LACTBL1: variants seen among roughly 807,000 people sequenced by gnomAD.
LACTBL1 encodes the protein beta-lactamase-like protein 1.
In LACTBL1, 29 loss-of-function variants were observed where a neutral mutation model predicts 39.6. The ratio of observed to expected loss-of-function variants is 0.73; its 90% CI spans 0.55 to 1.00. LACTBL1 has a LOEUF of 1.00. LACTBL1 is among the 50% of genes least tolerant of loss of function. The pLI is 0.00. For synonymous variants in LACTBL1, 361 were observed against 360.7 expected, an observed-to-expected ratio of 1.00 and a Z score of -0.01; for missense variants, 711 against 748.5, an observed-to-expected ratio of 0.95 and a Z score of 0.59.
exon 4 of LACTBL1, chr1:22,958,751 C>T (rs1640786734): frequency 1.3e-6 from 2 of 1,550,524 alleles, no homozygotes; most frequent in Non-Finnish European, 1.7e-6. Flanking sequence ...CCCACCTGCT[C>T]CAGCCCGTCC....
At chr1:22,954,056 G>A (rs902037834) in intron 5 of LACTBL1, 32 bp from the exon 8 acceptor site, 31 of 1,493,960 alleles carry the variant, frequency 2.1e-5, no homozygotes, top group African/African-American at 5.6e-5. Context: ...GTGGGACGGG[G>A]CCCTTCCTCA....
At position 22,953,505 on chromosome 1, in the gene LACTBL1, G is replaced by C. The variant is rs1231762518; in HGVS notation, c.1179C>G (p.Pro393=). 11 of 1,232,368 alleles carry C rather than the reference G, an allele frequency of 8.9e-6. No homozygotes were observed. In the East Asian group the frequency reaches 3.2e-4, roughly 36 times the overall value. 76.3% of individuals were successfully genotyped at this position (1,232,368 alleles called of 1,614,324 possible). The change falls in exon 6 of 6, where the codon CCC becomes CCG. Residue 393 remains proline, a synonymous_variant. Coordinates refer to ENST00000426928, the Ensembl canonical transcript of LACTBL1. Reference sequence around the variant, plus strand: ...AGGCCCGCGCCACCAGGTCGGGCCCGGGCGGCCGTGGCCCTGCCAGCAGCA... The same window carrying C: ...AGGCCCGCGCCACCAGGTCGGGCCCCGGCGGCCGTGGCCCTGCCAGCAGCA...
In LACTBL1 at chr1:22,959,940, A is replaced by C; in HGVS notation, c.317+2T>G. On this transcript the variant is annotated splice_donor_variant, in intron 3 of 5. Transcript: ENST00000426928. LOFTEE classifies it high-confidence loss of function. Reference sequence around the variant, plus strand: ...CAGGACCCTAGAGATCACCCAGCTGACCTGTACATGGTGTACTCATTGGGG... The same window carrying C: ...CAGGACCCTAGAGATCACCCAGCTGCCCTGTACATGGTGTACTCATTGGGG... 1 of 1,551,058 alleles carries C rather than the reference A, an allele frequency of 6.4e-7. No homozygotes were observed. Among genetic ancestry groups the C allele is most frequent in the Non-Finnish European group, 8.7e-7 (1 of 1,147,084 alleles).
upstream of LACTBL1, among the ~76,000 whole-genome samples, chr1:22,968,191 C>T (rs941266234): frequency 6.6e-6 from 1 of 152,108 alleles, no homozygotes; most frequent in African/African-American, 2.4e-5. Flanking sequence ...CTGGGTTATT[C>T]ATTTTGACTT....
intron 3 of LACTBL1, among the ~76,000 whole-genome samples, chr1:22,959,249 A>G (rs1372629511): frequency 6.6e-6 from 1 of 152,218 alleles, no homozygotes. Flanking sequence ...AGACCCATCT[A>G]AGATTCAGTT....
upstream of LACTBL1, among the ~76,000 whole-genome samples, chr1:22,968,669 A>G (rs1410395222): frequency 1.3e-5 from 2 of 152,170 alleles, no homozygotes; most frequent in African/African-American, 2.4e-5. Context: ...TGGTGAATCC[A>G]TGGCCAGATT....
chr1:22,963,522 G>A lies in LACTBL1; in HGVS notation c.50-306C>T, dbSNP rs1369474954. Among the ~76,000 whole-genome samples, 8 of 152,324 alleles carry A rather than the reference G, an allele frequency of 5.3e-5. No homozygotes were observed. The South Asian group carries it at 8.3e-4, about 16-fold the overall frequency. ...AGTGGACTTAGACCATTCTGGCTGCGTGGGGCAGGCTCAGCCACATCTGTC... is the reference window on the plus strand; with the variant it reads ...AGTGGACTTAGACCATTCTGGCTGCATGGGGCAGGCTCAGCCACATCTGTC... On this transcript the variant is annotated intron_variant, in intron 1 of 5. Coordinates refer to ENST00000426928, the Ensembl canonical transcript of LACTBL1.
the LACTBL1 span, among the ~76,000 whole-genome samples, chr1:22,970,834 T>A: frequency 0.021 from 3,196 of 150,712 alleles, 149 homozygotes; most frequent in African/African-American, 0.074. Context: ...AAAACAACTC[T>A]TAGAACTGCA....
chr1:22,956,602 C>T (rs1640764689), intron 4 of LACTBL1, among the ~76,000 whole-genome samples: 1 of 152,112 alleles, frequency 6.6e-6, no homozygotes, highest in African/African-American at 2.4e-5. Flanking sequence ...TCTTCACCCC[C>T]TTACCTGTGT....
At chr1:22,967,502 G>A (rs151059507), upstream of LACTBL1, among the ~76,000 whole-genome samples, 2 of 152,018 alleles carry the variant, frequency 1.3e-5, no homozygotes, top group African/African-American at 4.8e-5. Context: ...AGCCATGATT[G>A]CACCACTACA....
intron 4 of LACTBL1, among the ~76,000 whole-genome samples, chr1:22,956,431 GGA>G (rs1640762695): frequency 6.6e-6 from 1 of 152,058 alleles, no homozygotes; most frequent in Non-Finnish European, 1.5e-5. Context: ...TCTGTGTGTG[GGA>G]GTGACACCAA....
At chr1:22,963,026 T>A (rs926488507) in intron 2 of LACTBL1, 81 bp downstream of exon 4, 1 of 623,172 alleles carries the variant, frequency 1.6e-6, no homozygotes, top group Non-Finnish European at 2.4e-6. Context: ...TGAATGCCAC[T>A]GCCAGCACAG....
At position 22,958,939 on chromosome 1, in the gene LACTBL1, A is replaced by T. The variant is rs1293093160; in HGVS notation, c.318-19T>A. The T allele has an allele frequency of 6.6e-7, 1 of 1,520,134 alleles. No individual in the cohort carries two copies. Among genetic ancestry groups the T allele is most frequent in the Non-Finnish European group, 8.9e-7 (1 of 1,123,342 alleles). 94.2% of individuals were successfully genotyped at this position (1,520,134 alleles called of 1,614,324 possible). A position where few individuals can be genotyped will look rare whatever the true frequency, so the allele number is the denominator to read the frequency against. ...GGAGATCCTAGATAATGTTGGGAAT[A>T]CAAGCAGTCAAAGGGCATCCTGTTG... On this transcript the variant is annotated intron_variant, in intron 3 of 5. Transcript: ENST00000426928.
intron 4 of LACTBL1, 81 bp downstream of exon 6, chr1:22,958,604 A>G: frequency 8.1e-7 from 1 of 1,231,946 alleles, no homozygotes; most frequent in Non-Finnish European, 1.1e-6. Context: ...GAGTGAGCCC[A>G]GCCTGGCTGG....
At chr1:22,961,979 C>T (rs1472517757) in intron 2 of LACTBL1, among the ~76,000 whole-genome samples, 4 of 152,058 alleles carry the variant, frequency 2.6e-5, no homozygotes, top group African/African-American at 9.7e-5. Context: ...AACTCCTGAC[C>T]TCATGATCCA....
intron 4 of LACTBL1, among the ~76,000 whole-genome samples, chr1:22,955,924 C>T (rs1170924671): frequency 2.0e-5 from 3 of 151,936 alleles, no homozygotes; most frequent in Non-Finnish European, 2.9e-5. Context: ...ATTAGCTGGA[C>T]GTCTTGGCAT....
chr1:22,958,145 C>G (rs1640781128), intron 4 of LACTBL1, among the ~76,000 whole-genome samples: 1 of 152,144 alleles, frequency 6.6e-6, no homozygotes. Flanking sequence ...CTTACTATGT[C>G]ATTAATCATA....
chr1:22,972,478 G>A, the LACTBL1 span: 1 of 979,904 alleles, frequency 1.0e-6, no homozygotes, highest in Non-Finnish European at 1.2e-6. Flanking sequence ...AACAAGGAGG[G>A]TAGACGAGGA....
exon 2 of LACTBL1, chr1:22,963,180 C>T (rs1640843134): frequency 1.5e-6 from 2 of 1,334,066 alleles, no homozygotes; most frequent in Non-Finnish European, 1.9e-6. Context: ...GGGACACATC[C>T]TCACAGGGGC....
Sources: allele counts gnomAD v4.1 joint callset (sites outside exome capture counted in the v4.1 genomes callset), GRCh38; gene constraint gnomAD v4.1.1; transcripts MANE v1.5; gene names NCBI Gene and HGNC (gene_info 2026-07-23, HGNC 2026-07-21).